USH1C: variants seen among roughly 807,000 people sequenced by gnomAD.
USH1C encodes harmonin.
USH1C carries 90 observed loss-of-function variants against 119.3 expected under a neutral mutation model. The observed-to-expected ratio is 0.75, with a 90% CI of 0.64 to 0.90. USH1C has a LOEUF of 0.90. USH1C is among the 40% of genes least tolerant of loss of function. The pLI, the probability that USH1C is intolerant of heterozygous loss-of-function variation, is 0.00. For missense variants in USH1C, 1,165 were observed against 1,167.7 expected, an observed-to-expected ratio of 1.00 and a Z score of 0.03; for synonymous variants, 465 against 443.3, an observed-to-expected ratio of 1.05 and a Z score of -0.62.
intron 24 of USH1C, among the ~76,000 whole-genome samples, chr11:17,497,583 G>A (rs1050055144): frequency 2.6e-5 from 4 of 152,118 alleles, no homozygotes; most frequent in Non-Finnish European, 4.4e-5. Context: ...CAGCTTCCTC[G>A]GCACTGAACT....
intron 16 of USH1C, among the ~76,000 whole-genome samples, chr11:17,510,891 T>C (rs964555792): frequency 2.0e-5 from 3 of 152,222 alleles, no homozygotes; most frequent in African/African-American, 7.2e-5. Flanking sequence ...CTCTTTTTTT[T>C]CCTGCTCCAT....
chr11:17,521,316 C>T, intron 13 of USH1C, 30 bp downstream of exon 13: 6 of 1,612,376 alleles, frequency 3.7e-6, no homozygotes, highest in Non-Finnish European at 5.1e-6. Context: ...GATGTTCATG[C>T]ACAGACACGC....
At chr11:17,539,880 T>G (rs1851387543) in intron 1 of USH1C, among the ~76,000 whole-genome samples, 1 of 149,052 alleles carries the variant, frequency 6.7e-6, no homozygotes, top group Admixed American at 6.7e-5. Context: ...TCACCCAAGC[T>G]GGAGTGCAGT....
intron 15 of USH1C, among the ~76,000 whole-genome samples, chr11:17,515,860 T>A (rs1454463305): frequency 6.6e-6 from 1 of 152,212 alleles, no homozygotes; most frequent in Non-Finnish European, 1.5e-5. Context: ...TCTCATAACA[T>A]GCACTAGGTA....
chr11:17,500,604 G>A (rs752745700), intron 23 of USH1C, among the ~76,000 whole-genome samples: 52 of 152,264 alleles, frequency 3.4e-4, no homozygotes, highest in South Asian at 6.2e-4. Flanking sequence ...TTCCTCGAAA[G>A]CCCTTTCTCC....
chr11:17,502,729 T>C (rs1849494582), intron 20 of USH1C, among the ~76,000 whole-genome samples: 2 of 152,278 alleles, frequency 1.3e-5, no homozygotes, highest in South Asian at 4.1e-4. Context: ...AGGTGGCACC[T>C]GAACACACAG....
chr11:17,533,543 C>T (rs924397841), intron 1 of USH1C: 3 of 635,480 alleles, frequency 4.7e-6, no homozygotes, highest in African/African-American at 1.8e-5. Flanking sequence ...CGCTGCCCCT[C>T]CAGATGTGGC....
Position 17,531,113 on chromosome 11 carries a change from C to G in USH1C, c.387+41G>C, listed in dbSNP as rs762184529. The G allele has an allele frequency of 6.2e-7, 1 of 1,612,804 alleles. No homozygotes were observed. The highest frequency in any genetic ancestry group is 1.3e-5 in the African/African-American group (1 of 74,900). ...ATGAATGAGGGGGAGGCAGGAGGTC[C>G]GAGGCCCTCGCTCCCCCTCCCCCGG... is the stretch of plus-strand genomic sequence containing the variant. On this transcript the variant is annotated intron_variant, in intron 4 of 26. Transcript: ENST00000005226. The surrounding 1 kb of genome is among the most constrained non-coding windows in gnomAD (Gnocchi z 4.2).
At position 17,520,903 on chromosome 11, in the gene USH1C, C is replaced by T; in HGVS notation, c.1177G>A (p.Glu393Lys). The change falls in exon 14 of 27, where the codon GAG becomes AAG. Residue 393 changes from glutamate (E) to lysine (K), a missense_variant. By Grantham distance (56) the Glu-to-Lys change is moderately conservative. Coordinates refer to ENST00000005226, the MANE Select transcript of USH1C (RefSeq NM_153676.4). ...TTGCGAAGGGGTACTGGGTGTACCTCAGCAGTGATGGTTTTAGGCAAGAGT... is the reference window on the plus strand; with the variant it reads ...TTGCGAAGGGGTACTGGGTGTACCTTAGCAGTGATGGTTTTAGGCAAGAGT... The part of the protein sequence containing the change: ...QLLLPKTITA[E>K]VHPVPLRKPK... The T allele has an allele frequency of 1.2e-6, 2 of 1,614,182 alleles. No individual in the cohort carries two copies. Among genetic ancestry groups the T allele is most frequent in the Non-Finnish European group, 1.7e-6 (2 of 1,180,024 alleles).
Position 17,524,544 on chromosome 11 carries a change from G to A in USH1C, c.675-9C>T, listed in dbSNP as rs1850572308. The A allele has an allele frequency of 6.4e-7, 1 of 1,555,430 alleles. No individual in the cohort carries two copies. Among genetic ancestry groups the A allele is most frequent in the Non-Finnish European group, 8.7e-7 (1 of 1,148,714 alleles). The stretch of plus-strand genomic sequence containing the variant: ...TGGGGCCGCTGGAAATGCTGCGGGA[G>A]GTGGGAAATGTGTGCTCGGGATTCA... On this transcript the variant is annotated splice_polypyrimidine_tract_variant and intron_variant, in intron 8 of 26. Coordinates refer to ENST00000005226, the MANE Select transcript of USH1C (RefSeq NM_153676.4).
Position 17,498,257 on chromosome 11 carries a change from C to G in USH1C, c.2395G>C (p.Gly799Arg), listed in dbSNP as rs1403495776. 6.2e-7 allele frequency: 1 copy of G among 1,614,166 alleles called. No individual in the cohort carries two copies. The highest frequency in any genetic ancestry group is 2.2e-5 in the East Asian group (1 of 44,886). ...AAERHGGIVKGDEIMAINGKI... is the reference protein window; with the variant it reads ...AAERHGGIVKRDEIMAINGKI... ...CCGTTGATTGCCATGATCTCGTCCC[C>G]TTTCACAATGCCACCTGCAGGCAGA... Residue 799 changes from glycine to arginine, a missense_variant, in exon 24 of 27, where the codon GGG becomes CGG. Gly to Arg is a moderately radical substitution (Grantham distance 125). Transcript: ENST00000005226.
intron 20 of USH1C, among the ~76,000 whole-genome samples, chr11:17,504,031 T>C (rs1395147892): frequency 6.6e-6 from 1 of 152,166 alleles, no homozygotes; most frequent in Non-Finnish European, 1.5e-5. Flanking sequence ...GTTTCTTTCA[T>C]TGGTGATGAA....
At chr11:17,524,301 G>T in intron 9 of USH1C, 150 bp downstream of exon 9, 1 of 822,358 alleles carries the variant, frequency 1.2e-6, no homozygotes, top group Non-Finnish European at 2.0e-6. Flanking sequence ...AGTCTGTGAA[G>T]CCTTCTCTGC....
Position 17,531,391 on chromosome 11 carries a change from C to T in USH1C, c.248+8G>A, listed in dbSNP as rs1159722240. 1.2e-6 allele frequency: 2 copies of T among 1,613,626 alleles called. No individual in the cohort carries two copies. The highest frequency in any genetic ancestry group is 1.1e-5 in the South Asian group (1 of 91,034). On this transcript the variant is annotated splice_region_variant and intron_variant, in intron 3 of 26. Transcript: ENST00000005226. This position sits in a 1 kb window ranked among gnomAD's most constrained non-coding sequence, Gnocchi z 4.2. ...CCCCTGCCTCCAGCCTGGTGGCTTC[C>T]TCTGCACCTGGAGCGCCGGGGGGTC...
At position 17,512,142 on chromosome 11, in the gene USH1C, C is replaced by CATCCCAT. The variant is rs1237529407; in HGVS notation, c.1261-89_1261-88insATGGGAT. The CATCCCAT allele has an allele frequency of 6.9e-6, 10 of 1,446,678 alleles. 1 individual carries two copies. Among genetic ancestry groups the CATCCCAT allele is most frequent in the Admixed American group, 6.7e-5 (4 of 59,676 alleles). 89.6% of individuals were successfully genotyped at this position (1,446,678 alleles called of 1,614,324 possible). ...CGGGGCATCCAGTCCTCACATAACA[C>CATCCCAT]AACCATCCCATGGTGAGCCCCTCCC... is the stretch of plus-strand genomic sequence containing the variant. On this transcript the variant is annotated intron_variant, in intron 15 of 26. Transcript: ENST00000005226.
At chr11:17,518,668 G>A (rs1170854081) in intron 14 of USH1C, among the ~76,000 whole-genome samples, 1 of 152,196 alleles carries the variant, frequency 6.6e-6, no homozygotes, top group African/African-American at 2.4e-5. Context: ...CACATAATTA[G>A]GATGAGTGAC....
intron 1 of USH1C, among the ~76,000 whole-genome samples, chr11:17,543,413 C>A (rs1420347128): frequency 9.3e-6 from 1 of 107,572 alleles, no homozygotes; most frequent in Non-Finnish European, 1.9e-5. Flanking sequence ...CCAGATACCA[C>A]CCACCCCCCC....
At chr11:17,514,797 CTTTTTTT>C (rs57651457) in intron 15 of USH1C, among the ~76,000 whole-genome samples, 45 of 138,972 alleles carry the variant, frequency 3.2e-4, no homozygotes, top group Middle Eastern at 3.9e-3. Flanking sequence ...AGAAGCAATT[CTTTTTTT>C]TTTTTTTTTT....
intron 1 of USH1C, among the ~76,000 whole-genome samples, chr11:17,535,422 C>A (rs182475182): frequency 6.6e-6 from 1 of 152,010 alleles, no homozygotes; most frequent in South Asian, 2.1e-4. Context: ...CAGACAGAAC[C>A]GACTCCTGCA....
Sources: allele counts gnomAD v4.1 joint callset (sites outside exome capture counted in the v4.1 genomes callset), GRCh38; gene constraint gnomAD v4.1.1; non-coding constraint Gnocchi (gnomAD v3.1); transcripts MANE v1.5; gene names NCBI Gene and HGNC (gene_info 2026-07-23, HGNC 2026-07-21).